The following PSG11 variants were observed in gnomAD, a reference collection of about 807,000 sequenced individuals.
PSG11 encodes the protein pregnancy specific beta-1-glycoprotein 11, also known as pregnancy-specific beta-1-glycoprotein 11.
PSG11 carries 42 observed loss-of-function variants against 36.0 expected under a neutral mutation model. The ratio of observed to expected loss-of-function variants is 1.17; its 90% CI spans 0.91 to 1.51. PSG11 has a LOEUF of 1.51. Ranked by LOEUF, PSG11 falls within the 40% of genes most tolerant of loss-of-function variation. The pLI, the probability that PSG11 is intolerant of heterozygous loss-of-function variation, is 0.00. For missense variants in PSG11, 558 were observed against 403.5 expected (o/e 1.38, Z -3.28); for synonymous variants, 206 against 153.5 (o/e 1.34, Z -2.53).
At chr19:43,020,847 A>G (rs1967085590) in intron 2 of PSG11, among the ~76,000 whole-genome samples, 1 of 151,408 alleles carries the variant, frequency 6.6e-6, no homozygotes, top group Admixed American at 6.6e-5. Context: ...GTTAGGAAAA[A>G]TGGGGAGGAC....
chr19:43,015,520 A>G (rs541426679), intron 3 of PSG11, 150 bp from the exon 4 acceptor site: 43 of 1,327,934 alleles, frequency 3.2e-5, no homozygotes, highest in Non-Finnish European at 4.1e-5. Flanking sequence ...TGAAGCCTGA[A>G]GTATTCACCT....
chr19:43,022,407 C>A lies in PSG11; in HGVS notation c.430+2284G>T, dbSNP rs532393888. Reference sequence around the variant, plus strand: ...GCACAAACAGATCATTTCCCTCCGCCCGCATGATTCCATCACCAACAATCA... The same window carrying A: ...GCACAAACAGATCATTTCCCTCCGCACGCATGATTCCATCACCAACAATCA... On this transcript the variant is annotated intron_variant, in intron 2 of 5. Coordinates refer to ENST00000320078, the MANE Select transcript of PSG11 (RefSeq NM_002785.3). Among the ~76,000 whole-genome samples, 19 of 151,366 alleles carry A rather than the reference C, an allele frequency of 1.3e-4. 2 individuals are homozygous for A. In the East Asian group the frequency reaches 3.3e-3, roughly 26 times the overall value.
chr19:43,024,062 A>G (rs150436033), intron 2 of PSG11, among the ~76,000 whole-genome samples: 4 of 151,414 alleles, frequency 2.6e-5, no homozygotes, highest in East Asian at 1.9e-4. Context: ...TTGGCTGATG[A>G]CCTACAAAGC....
chr19:43,023,946 G>A (rs546139839), intron 2 of PSG11, among the ~76,000 whole-genome samples: 31 of 151,528 alleles, frequency 2.0e-4, no homozygotes, highest in South Asian at 4.2e-4. Flanking sequence ...GCACCTTTAC[G>A]TCAGATCCCT....
At position 43,018,985 on chromosome 19, in the gene PSG11, A is replaced by G. The variant is rs1435003441; in HGVS notation, c.494T>C (p.Val165Ala). 6.2e-7 allele frequency: 1 copy of G among 1,612,112 alleles called. No individual in the cohort carries two copies. The highest frequency in any genetic ancestry group is 8.5e-7 in the Non-Finnish European group (1 of 1,179,144). The change falls in exon 3 of 6, where the codon GTG becomes GCG. Residue 165 changes from valine (V) to alanine (A), a missense_variant. By Grantham distance (64) the Val-to-Ala change is moderately conservative. Coordinates refer to ENST00000320078, the MANE Select transcript of PSG11 (RefSeq NM_002785.3). Reference sequence around the variant, plus strand: ...AGTCTCAGGATTACAGGTTAAGATCACAGTCTCCATGGCCTCCCTGGGGTT... The same window carrying G: ...AGTCTCAGGATTACAGGTTAAGATCGCAGTCTCCATGGCCTCCCTGGGGTT... ...NLNPREAMET[V>A]ILTCNPETPD...
At chr19:43,020,986 G>A (rs1468074978) in intron 2 of PSG11, among the ~76,000 whole-genome samples, 3 of 151,260 alleles carry the variant, frequency 2.0e-5, no homozygotes, top group African/African-American at 4.9e-5. Flanking sequence ...CTCCCCACAC[G>A]AAGAACTCCA....
intron 4 of PSG11, among the ~76,000 whole-genome samples, chr19:43,013,505 A>G (rs1966885044): frequency 6.6e-6 from 1 of 151,400 alleles, no homozygotes; most frequent in Non-Finnish European, 1.5e-5. Context: ...AGCCCATGCA[A>G]AGTTCCTCAG....
At position 43,019,980 on chromosome 19, in the gene PSG11, T is replaced by C. The variant is rs967415302; in HGVS notation, c.431-932A>G. On this transcript the variant is annotated intron_variant, in intron 2 of 5. Transcript: ENST00000320078. Reference sequence around the variant, plus strand: ...TTTGGGAAGAAGTCTTGCAGATACTTTCTCTCATTAGACATTCTACCCTCT... The same window carrying C: ...TTTGGGAAGAAGTCTTGCAGATACTCTCTCTCATTAGACATTCTACCCTCT... Among the ~76,000 whole-genome samples, 42 of 151,354 alleles carry C rather than the reference T, an allele frequency of 2.8e-4. 2 individuals are homozygous for C. Among genetic ancestry groups the C allele is most frequent in the Non-Finnish European group, 6.0e-4 (41 of 67,878 alleles).
In PSG11 at chr19:43,007,839, A is replaced by G. The variant is rs778751858; in HGVS notation, c.*244T>C. 5.4e-4 allele frequency: 170 copies of G among 314,812 alleles called. 2 individuals are homozygous for G. The highest frequency in any genetic ancestry group is 2.1e-3 in the Admixed American group (41 of 19,400). The allele number at this position is 314,812 out of a possible 1,614,324, so 19.5% of individuals were successfully genotyped here. A position where few individuals can be genotyped will look rare whatever the true frequency, so the allele number is the denominator to read the frequency against. On this transcript the variant is annotated 3_prime_UTR_variant, in exon 6 of 6. Coordinates refer to ENST00000320078, the MANE Select transcript of PSG11 (RefSeq NM_002785.3). ...GATAAAACATTCAAAAAATCAGCAC[A>G]TTTTCCAATAAAAAATTATGAAAAC...
At chr19:43,017,515 C>G (rs938821097) in intron 3 of PSG11, 7 of 151,430 alleles carry the variant, frequency 4.6e-5, no homozygotes, top group African/African-American at 1.7e-4. Flanking sequence ...AGGCTGATTG[C>G]TATTTTCTAT....
chr19:43,012,729 T>C (rs1974107486), intron 4 of PSG11, among the ~76,000 whole-genome samples: 2 of 151,458 alleles, frequency 1.3e-5, no homozygotes, highest in Non-Finnish European at 2.9e-5. Context: ...GAGCTGTGGA[T>C]TCAATGCAAT....
intron 1 of PSG11, chr19:43,025,396 C>G (rs772552548): frequency 3.5e-6 from 1 of 286,732 alleles, no homozygotes; most frequent in Non-Finnish European, 6.4e-6. Flanking sequence ...TCAGGGCATC[C>G]TTAGACTTCT....
chr19:43,010,866 T>G (rs1293622949), intron 4 of PSG11, among the ~76,000 whole-genome samples: 2 of 142,978 alleles, frequency 1.4e-5, no homozygotes, highest in African/African-American at 5.3e-5. Flanking sequence ...CTTGTTCTAG[T>G]GTTTTATGTG....
Position 43,019,873 on chromosome 19 carries a change from C to G in PSG11, c.431-825G>C, listed in dbSNP as rs561640004. ...TGGATGTTTGCAAATGCAGAACTGA[C>G]TGGTGGAAAGGGCAAACATGAACTG... On this transcript the variant is annotated intron_variant, in intron 2 of 5. Transcript: ENST00000320078. Among the ~76,000 whole-genome samples, 128 of 151,602 alleles carry G rather than the reference C, an allele frequency of 8.4e-4. 7 individuals are homozygous for G. Among genetic ancestry groups the G allele is most frequent in the African/African-American group, 2.9e-3 (121 of 41,194 alleles).
chr19:43,022,511 T>C (rs1485940071), intron 2 of PSG11, among the ~76,000 whole-genome samples: 1 of 151,394 alleles, frequency 6.6e-6, no homozygotes, highest in South Asian at 2.1e-4. Context: ...GGGAGGCTGA[T>C]TTCAGTAATA....
intron 2 of PSG11, among the ~76,000 whole-genome samples, chr19:43,022,543 T>A (rs1220678296): frequency 2.0e-5 from 3 of 151,468 alleles, no homozygotes; most frequent in Non-Finnish European, 4.4e-5. Context: ...TCCTCCTGTT[T>A]GGCAGACTTG....
In PSG11 at chr19:43,015,144, G is replaced by C; in HGVS notation, c.936C>G (p.Ser312Arg). The change falls in exon 4 of 6, where the codon AGC becomes AGG. Residue 312 changes from serine to arginine, a missense_variant. Transcript: ENST00000320078. ...TGACTCTGATTGTCAAGGATGTGGA[G>C]CTTTCCTCGCCAGTGGCTGAGTTAC... is the stretch of plus-strand genomic sequence containing the variant. ...SARNSATGEE[S>R]STSLTIRVIA... 1 of 1,612,052 alleles carries C rather than the reference G, an allele frequency of 6.2e-7. No individual in the cohort carries two copies. Among genetic ancestry groups the C allele is most frequent in the Non-Finnish European group, 8.5e-7 (1 of 1,178,968 alleles).
intron 1 of PSG11, 114 bp from the exon 2 acceptor site, chr19:43,025,170 C>CAG (rs1967210430): frequency 1.4e-6 from 2 of 1,389,630 alleles, no homozygotes; most frequent in East Asian, 2.3e-5. Context: ...GACACACACA[C>CAG]ACACACACAC....
intron 2 of PSG11, among the ~76,000 whole-genome samples, chr19:43,021,700 T>G (rs748556183): frequency 4.0e-5 from 6 of 151,498 alleles, no homozygotes; most frequent in Admixed American, 1.3e-4. Context: ...AGCTTTTTAC[T>G]TAGTGTTAGA....
Sources: gnomAD v4.1 joint callset for allele counts (sites outside exome capture counted in the v4.1 genomes callset) on GRCh38, gnomAD v4.1.1 for gene constraint, MANE v1.5 for transcripts, NCBI Gene and HGNC (gene_info 2026-07-23, HGNC 2026-07-21) for gene names.